CNTNAP2: variants seen among roughly 807,000 people sequenced by gnomAD.
The protein encoded by CNTNAP2 is contactin-associated protein-like 2.
CNTNAP2 carries 98 observed loss-of-function variants against 155.2 expected under a neutral mutation model. That is an observed-to-expected ratio of 0.63 (90% CI 0.54 to 0.75). The LOEUF is 0.75. Among genes scored for constraint, CNTNAP2 ranks in the 30% least tolerant of loss-of-function variants. The pLI is 0.00. For synonymous variants in CNTNAP2, 651 were observed against 631.2 expected (o/e 1.03, Z -0.47); for missense variants, 1,727 against 1,688.1 (o/e 1.02, Z -0.40).
intron 3 of CNTNAP2, among the ~76,000 whole-genome samples, chr7:146,900,616 C>T (rs1176866438): frequency 1.2e-4 from 18 of 152,182 alleles, no homozygotes; most frequent in Admixed American, 1.2e-3. Flanking sequence ...TCATCATCCA[C>T]TCCTCTCCCA....
chr7:147,999,091 C>CT (rs1033765894), intron 15 of CNTNAP2, among the ~76,000 whole-genome samples: 32 of 151,108 alleles, frequency 2.1e-4, no homozygotes, highest in Admixed American at 3.3e-4. Flanking sequence ...TTATAGAAGT[C>CT]TTTTTTTTTG....
chr7:147,148,027 TATAG>T (rs1801741405), intron 8 of CNTNAP2, among the ~76,000 whole-genome samples: 1 of 152,204 alleles, frequency 6.6e-6, no homozygotes, highest in South Asian at 2.1e-4. Context: ...GCCCTCACTG[TATAG>T]ATAAATACAT....
chr7:147,108,975 C>T (rs1800823163), intron 5 of CNTNAP2, among the ~76,000 whole-genome samples: 1 of 152,158 alleles, frequency 6.6e-6, no homozygotes, highest in Non-Finnish European at 1.5e-5. Context: ...GTTATTAAGA[C>T]AAAAGATGAA....
chr7:147,003,608 C>T (rs1259432478), intron 3 of CNTNAP2, among the ~76,000 whole-genome samples: 2 of 151,762 alleles, frequency 1.3e-5, no homozygotes, highest in Non-Finnish European at 2.9e-5. Context: ...AATAGATACG[C>T]ATGCATATTA....
chr7:147,290,506 C>T (rs912560429), intron 8 of CNTNAP2, among the ~76,000 whole-genome samples: 6 of 151,892 alleles, frequency 4.0e-5, no homozygotes, highest in Non-Finnish European at 7.4e-5. Flanking sequence ...CCCGCTGAAA[C>T]CCTGTCTCTA....
rs534229676 is a variant in CNTNAP2, at chr7:147,416,815, C to T, written c.1670+21035C>T. On this transcript the variant is annotated intron_variant, in intron 10 of 23. Transcript: ENST00000361727. ...CTGCATAAGATTTAATTTTAGAGGC[C>T]GTGTGCAGTGGCTCAGTAATCCTAG... Among the ~76,000 whole-genome samples the T allele has an allele frequency of 6.6e-5, 10 of 152,148 alleles. No homozygotes were observed. The South Asian group carries it at 1.7e-3, about 25-fold the overall frequency.
At chr7:147,003,323 A>C (rs1036418116) in intron 3 of CNTNAP2, among the ~76,000 whole-genome samples, 1 of 151,484 alleles carries the variant, frequency 6.6e-6, no homozygotes, top group Non-Finnish European at 1.5e-5. Context: ...AAACATAAGA[A>C]TAGGCAAACC....
At chr7:146,808,799 A>C (rs1011026517) in intron 2 of CNTNAP2, among the ~76,000 whole-genome samples, 1 of 152,200 alleles carries the variant, frequency 6.6e-6, no homozygotes, top group Non-Finnish European at 1.5e-5. Context: ...TTGATTGTAC[A>C]GTATTTTTCT....
intron 3 of CNTNAP2, among the ~76,000 whole-genome samples, chr7:146,947,646 C>T (rs1299633787): frequency 1.4e-5 from 2 of 146,252 alleles, no homozygotes; most frequent in African/African-American, 5.1e-5. Context: ...TAGCTCATGC[C>T]TGTAATTCAA....
At chr7:146,668,316 T>C (rs1457826798) in intron 1 of CNTNAP2, among the ~76,000 whole-genome samples, 1 of 152,150 alleles carries the variant, frequency 6.6e-6, no homozygotes, top group African/African-American at 2.4e-5. Context: ...CTGGCATAAA[T>C]GCCACTTGAT....
rs1584932668 is a variant in CNTNAP2 at position 147,742,679 on chromosome 7, T to A, written c.2098+103373T>A. Among the ~76,000 whole-genome samples the A allele has an allele frequency of 5.3e-5, 8 of 152,336 alleles. No individual in the cohort carries two copies. In the South Asian group the frequency reaches 1.7e-3, roughly 32 times the overall value. The stretch of plus-strand genomic sequence containing the variant: ...GATTCTGGATATTCAGCTTCAATAG[T>A]GAAGCTAAGAATTCTACGTATCTTT... On this transcript the variant is annotated intron_variant, in intron 13 of 23. Coordinates refer to ENST00000361727, the MANE Select transcript of CNTNAP2 (RefSeq NM_014141.6).
intron 8 of CNTNAP2, among the ~76,000 whole-genome samples, chr7:147,188,794 ATG>A (rs1802620886): frequency 6.6e-6 from 1 of 152,212 alleles, no homozygotes; most frequent in African/African-American, 2.4e-5. Context: ...GATTAATTTG[ATG>A]TGAGTGATAT....
At chr7:146,900,778 A>G (rs1204249296) in intron 3 of CNTNAP2, among the ~76,000 whole-genome samples, 1 of 152,144 alleles carries the variant, frequency 6.6e-6, no homozygotes, top group East Asian at 1.9e-4. Context: ...CAGAATACTT[A>G]CTGAATTTCA....
intron 3 of CNTNAP2, among the ~76,000 whole-genome samples, chr7:146,893,390 G>A (rs1413066966): frequency 6.6e-6 from 1 of 151,236 alleles, no homozygotes; most frequent in African/African-American, 2.4e-5. Flanking sequence ...TCTCTATATA[G>A]AGATCATTTA....
intron 8 of CNTNAP2, among the ~76,000 whole-genome samples, chr7:147,158,708 A>G (rs1393390295): frequency 6.6e-6 from 1 of 151,660 alleles, no homozygotes; most frequent in Non-Finnish European, 1.5e-5. Context: ...GCAAAACCTG[A>G]ATGATGGAGT....
rs578032073 is a variant in CNTNAP2, at chr7:146,834,990, T to A, written c.209-4721T>A. Among the ~76,000 whole-genome samples, 7 of 152,302 alleles carry A rather than the reference T, an allele frequency of 4.6e-5. No individual in the cohort carries two copies. In the East Asian group the frequency reaches 1.4e-3, roughly 29 times the overall value. Reference sequence around the variant, plus strand: ...TTCATCGATCTTTCCACCATGTTCCTCATGAAAGACTGACTTTTGCCCTCC... The same window carrying A: ...TTCATCGATCTTTCCACCATGTTCCACATGAAAGACTGACTTTTGCCCTCC... On this transcript the variant is annotated intron_variant, in intron 2 of 23. Coordinates refer to ENST00000361727, the MANE Select transcript of CNTNAP2 (RefSeq NM_014141.6).
At chr7:147,866,573 T>C (rs1799232786) in intron 13 of CNTNAP2, among the ~76,000 whole-genome samples, 1 of 152,212 alleles carries the variant, frequency 6.6e-6, no homozygotes, top group Non-Finnish European at 1.5e-5. Flanking sequence ...TGTAGGTCTC[T>C]AAGGACTTGC....
chr7:146,117,692 CTGTGTGTGTGTGTTTG>C (rs929743969), intron 1 of CNTNAP2, among the ~76,000 whole-genome samples: 6 of 151,646 alleles, frequency 4.0e-5, no homozygotes, highest in African/African-American at 1.5e-4. Context: ...TTTTAATCAA[CTGTGTGTGTGTGTTTG>C]TGTGTGTGTG....
At chr7:148,094,759 G>T (rs1017803017) in intron 15 of CNTNAP2, among the ~76,000 whole-genome samples, 1 of 152,232 alleles carries the variant, frequency 6.6e-6, no homozygotes, top group African/African-American at 2.4e-5. Flanking sequence ...AGCGCAATGA[G>T]TTTGGTTTTA....
Sources: allele counts gnomAD v4.1 joint callset (sites outside exome capture counted in the v4.1 genomes callset), GRCh38; gene constraint gnomAD v4.1.1; transcripts MANE v1.5; gene names NCBI Gene and HGNC (gene_info 2026-07-23, HGNC 2026-07-21).